Variants in SORCS1 observed in about 807,000 individuals in gnomAD.
SORCS1 encodes VPS10 domain-containing receptor SorCS1.
Under a neutral mutation model 146.1 loss-of-function variants are expected in SORCS1, and 60 were observed. The observed-to-expected ratio is 0.41, with a 90% CI of 0.33 to 0.51. The LOEUF is 0.51. Among genes scored for constraint, SORCS1 ranks in the 20% least tolerant of loss-of-function variants. The pLI, the probability that SORCS1 is intolerant of heterozygous loss-of-function variation, is 0.21. For synonymous variants in SORCS1, 637 were observed against 584.0 expected, an observed-to-expected ratio of 1.09 and a Z score of -1.31; for missense variants, 1,352 against 1,487.6, an observed-to-expected ratio of 0.91 and a Z score of 1.50.
intron 7 of SORCS1, 87 bp from the exon 8 acceptor site, chr10:106,706,721 G>A: frequency 8.3e-7 from 1 of 1,212,110 alleles, no homozygotes; most frequent in African/African-American, 1.5e-5. Context: ...GAAGGAGGAA[G>A]CTTCCAACAC....
rs578049923 is a variant in SORCS1 at position 107,124,957 on chromosome 10, T to C, written c.558+39012A>G. On this transcript the variant is annotated intron_variant, in intron 1 of 25. Coordinates refer to ENST00000263054, the MANE Select transcript of SORCS1 (RefSeq NM_052918.5). ...TTCTTTCTTTCTTTTCTTTTTCTTT[T>C]TTTTTTTTTTTTTTGAGATGGAGTC... Among the ~76,000 whole-genome samples the C allele has an allele frequency of 1.8e-3, 265 of 145,490 alleles. 1 individual carries two copies. The highest frequency in any genetic ancestry group is 3.5e-3 in the Middle Eastern group (1 of 286).
At chr10:107,073,827 C>A (rs1254287966) in intron 1 of SORCS1, among the ~76,000 whole-genome samples, 1 of 151,854 alleles carries the variant, frequency 6.6e-6, no homozygotes, top group Non-Finnish European at 1.5e-5. Flanking sequence ...GTTGGGAAAG[C>A]AAAGAAGGTT....
chr10:106,935,836 G>A (rs1953683424), intron 2 of SORCS1, among the ~76,000 whole-genome samples: 1 of 152,192 alleles, frequency 6.6e-6, no homozygotes, highest in Non-Finnish European at 1.5e-5. Flanking sequence ...AAGTGATAAT[G>A]TCCCTTTTTA....
chr10:106,892,028 G>C (rs1417740350), intron 2 of SORCS1, among the ~76,000 whole-genome samples: 4 of 152,152 alleles, frequency 2.6e-5, no homozygotes, highest in Admixed American at 2.6e-4. Context: ...TTCTATGCCA[G>C]ACTACATTTG....
Position 106,844,592 on chromosome 10 carries a change from A to T in SORCS1, c.627-14919T>A, listed in dbSNP as rs779541093. Among the ~76,000 whole-genome samples the T allele has an allele frequency of 8.1e-4, 122 of 150,516 alleles. 1 individual carries two copies. Among genetic ancestry groups the T allele is most frequent in the Non-Finnish European group, 1.3e-3 (85 of 67,676 alleles). ...TTTTTTTTTAATTATTATTTTTTTT[A>T]AATTATACTTTAAGTTTTAGGGTAC... On this transcript the variant is annotated intron_variant, in intron 2 of 25. Coordinates refer to ENST00000263054, the MANE Select transcript of SORCS1 (RefSeq NM_052918.5).
At chr10:106,807,439 GTC>G (rs1374500766) in intron 3 of SORCS1, among the ~76,000 whole-genome samples, 3 of 152,154 alleles carry the variant, frequency 2.0e-5, no homozygotes, top group Non-Finnish European at 4.4e-5. Context: ...AGAACCCCAA[GTC>G]CCTATTGCCT....
At chr10:107,075,799 T>C (rs1045754932) in intron 1 of SORCS1, among the ~76,000 whole-genome samples, 20 of 152,220 alleles carry the variant, frequency 1.3e-4, no homozygotes, top group African/African-American at 4.6e-4. Context: ...ATGGTGGGTG[T>C]GTTCCCATCA....
chr10:107,121,804 A>C (rs1329364527), intron 1 of SORCS1, among the ~76,000 whole-genome samples: 1 of 152,224 alleles, frequency 6.6e-6, no homozygotes, highest in Non-Finnish European at 1.5e-5. Flanking sequence ...TCTGAAAGAA[A>C]TACACAGTGG....
chr10:106,798,559 T>A (rs1052024952), intron 3 of SORCS1, among the ~76,000 whole-genome samples: 1 of 152,090 alleles, frequency 6.6e-6, no homozygotes, highest in African/African-American at 2.4e-5. Context: ...GTCCTTGCGA[T>A]AGTTTGCTGA....
chr10:106,640,269 A>G (rs1373900090), intron 18 of SORCS1, among the ~76,000 whole-genome samples: 1 of 152,218 alleles, frequency 6.6e-6, no homozygotes. Context: ...TAGTGCTCCC[A>G]TAAGTCTTTC....
intron 6 of SORCS1, among the ~76,000 whole-genome samples, chr10:106,722,267 C>A (rs1161694260): frequency 6.6e-6 from 1 of 151,872 alleles, no homozygotes; most frequent in Non-Finnish European, 1.5e-5. Context: ...CACTCTGTAG[C>A]TGAGATATTG....
chr10:106,659,140 T>C (rs1850530088), intron 17 of SORCS1, among the ~76,000 whole-genome samples: 1 of 152,254 alleles, frequency 6.6e-6, no homozygotes, highest in Non-Finnish European at 1.5e-5. Context: ...CATGGCTGGC[T>C]AAGCAGGCTT....
rs562747315 is a variant in SORCS1 at position 106,648,751 on chromosome 10, A to G, written c.2475+3631T>C. Among the ~76,000 whole-genome samples, 8 of 152,228 alleles carry G rather than the reference A, an allele frequency of 5.3e-5. No homozygotes were observed. In the East Asian group the frequency reaches 1.6e-3, roughly 30 times the overall value. ...GGGGGAAGGGCGTTGGTCCCTGGCT[A>G]GGGCTCCACCCCTGGGCCCCTGCCC... On this transcript the variant is annotated intron_variant, in intron 18 of 25. Coordinates refer to ENST00000263054, the MANE Select transcript of SORCS1 (RefSeq NM_052918.5).
chr10:106,784,786 A>G (rs1231383442), intron 3 of SORCS1, among the ~76,000 whole-genome samples: 1 of 152,254 alleles, frequency 6.6e-6, no homozygotes, highest in African/African-American at 2.4e-5. Flanking sequence ...ACAAGAAATG[A>G]TAAAGAAACA....
Position 106,822,782 on chromosome 10 carries a change from G to GTTTTTTTTTTTTTTTTTTTTT in SORCS1, c.726+6791_726+6792insAAAAAAAAAAAAAAAAAAAAA, listed in dbSNP as rs1158921880. On this transcript the variant is annotated intron_variant, in intron 3 of 25. Transcript: ENST00000263054. ...CACTATGTCTCTGAATTCATGTGTG[G>GTTTTTTTTTTTTTTTTTTTTT]TTTTTTTTTTTTTTTTTTTTGAATA... Among the ~76,000 whole-genome samples, 10 of 113,150 alleles carry GTTTTTTTTTTTTTTTTTTTTT rather than the reference G, an allele frequency of 8.8e-5. 3 individuals carry two copies. The highest frequency in any genetic ancestry group is 2.3e-4 in the African/African-American group (6 of 26,320). 74.2% of individuals were successfully genotyped at this position (113,150 alleles called of 152,430 possible).
rs1176251921 is a variant in SORCS1 at position 106,605,760 on chromosome 10, T to C, written c.3165+1406A>G. On this transcript the variant is annotated intron_variant, in intron 23 of 25. Coordinates refer to ENST00000263054, the MANE Select transcript of SORCS1 (RefSeq NM_052918.5). The stretch of plus-strand genomic sequence containing the variant: ...ACTAGGAAATGGGGTTCAACAGGGC[T>C]TTCCATGAGAGCTCTGCTCTTCATT... Among the ~76,000 whole-genome samples the C allele has an allele frequency of 4.6e-5, 7 of 152,298 alleles. No homozygotes were observed. The East Asian group carries it at 9.6e-4, about 21-fold the overall frequency.
At chr10:107,092,543 T>C (rs905503270) in intron 1 of SORCS1, among the ~76,000 whole-genome samples, 1 of 152,172 alleles carries the variant, frequency 6.6e-6, no homozygotes, top group Non-Finnish European at 1.5e-5. Context: ...AAGGCTGCAG[T>C]CCAATATGCC....
intron 2 of SORCS1, among the ~76,000 whole-genome samples, chr10:106,865,759 AAAT>A (rs1301938424): frequency 2.6e-5 from 4 of 151,450 alleles, no homozygotes; most frequent in African/African-American, 9.7e-5. Context: ...ATAAAAATAA[AAAT>A]AAATAAATAA....
intron 6 of SORCS1, among the ~76,000 whole-genome samples, chr10:106,720,403 T>C (rs1489007885): frequency 6.6e-6 from 1 of 151,218 alleles, no homozygotes; most frequent in Non-Finnish European, 1.5e-5. Flanking sequence ...AAGAATAGTG[T>C]CTACCTCCAA....
Sources: gnomAD v4.1 joint callset for allele counts (sites outside exome capture counted in the v4.1 genomes callset) on GRCh38, gnomAD v4.1.1 for gene constraint, MANE v1.5 for transcripts, NCBI Gene and HGNC (gene_info 2026-07-23, HGNC 2026-07-21) for gene names.